Variants in FAM184A observed in about 807,000 individuals in gnomAD.
The protein encoded by FAM184A is family with sequence similarity 184 member A, also known as protein FAM184A.
A neutral mutation model predicts 143.8 loss-of-function variants in FAM184A; 99 were observed. That is an observed-to-expected ratio of 0.69 (90% CI 0.58 to 0.81). The LOEUF (loss-of-function observed/expected upper bound fraction) is 0.81. FAM184A is among the 40% of genes least tolerant of loss of function. The pLI is 0.00. For synonymous variants in FAM184A, 427 were observed against 446.4 expected (o/e 0.96, Z 0.55); for missense variants, 1,217 against 1,310.5 (o/e 0.93, Z 1.10).
intron 1 of FAM184A, among the ~76,000 whole-genome samples, chr6:119,112,121 T>C (rs1335917637): frequency 1.3e-5 from 2 of 152,018 alleles, no homozygotes; most frequent in Non-Finnish European, 2.9e-5. Flanking sequence ...ATATTTCTTT[T>C]TTCTTTTCTT....
At chr6:119,003,676 G>GCT in intron 7 of FAM184A, 54 bp from the exon 8 acceptor site, 3 of 1,511,324 alleles carry the variant, frequency 2.0e-6, no homozygotes, top group Middle Eastern at 1.8e-4. Flanking sequence ...AAACACTGCT[G>GCT]GTTATTTTAA....
Position 119,020,144 on chromosome 6 carries a change from A to C in FAM184A, c.1166T>G (p.Leu389Arg), listed in dbSNP as rs1490926523. The C allele has an allele frequency of 5.0e-6, 8 of 1,586,922 alleles. No individual in the cohort carries two copies. The highest frequency in any genetic ancestry group is 6.8e-6 in the Non-Finnish European group (8 of 1,171,028). The change falls in exon 4 of 18, where the codon CTT (leucine) becomes CGT (arginine). Residue 389 changes from leucine (L) to arginine (R), a missense_variant. Transcript: ENST00000338891. ...TTCCTGGGTCATTTGAGTTGCTTGAAGCATTCCAATATGACCTATCCCCCA... is the reference window on the plus strand; with the variant it reads ...TTCCTGGGTCATTTGAGTTGCTTGACGCATTCCAATATGACCTATCCCCCA... ...LVLKASHIGM[L>R]QATQMTQEVT...
At chr6:118,977,205 A>G (rs924958057) in intron 11 of FAM184A, among the ~76,000 whole-genome samples, 6 of 152,224 alleles carry the variant, frequency 3.9e-5, no homozygotes, top group Admixed American at 2.0e-4. Context: ...CTACTTGGCA[A>G]TAAAAAGAAA....
rs543702382 is a variant in FAM184A at position 119,023,506 on chromosome 6, T to A, written c.1015-426A>T. The stretch of plus-strand genomic sequence containing the variant: ...GGAAAAGAAAAAAATGTATTTAAAC[T>A]TTAAGCCCAATATTAAAATCCTTTT... On this transcript the variant is annotated intron_variant, in intron 2 of 17. Transcript: ENST00000338891. Among the ~76,000 whole-genome samples, 25 of 150,956 alleles carry A rather than the reference T, an allele frequency of 1.7e-4. No individual in the cohort carries two copies. In the South Asian group the frequency reaches 2.9e-3, roughly 18 times the overall value.
At chr6:119,148,091 C>T (rs953114142) in intron 1 of FAM184A, among the ~76,000 whole-genome samples, 9 of 152,182 alleles carry the variant, frequency 5.9e-5, no homozygotes, top group African/African-American at 2.2e-4. Context: ...ACCCACCCAC[C>T]CTAGTTCCCT....
chr6:119,074,862 A>G (rs192863114), intron 1 of FAM184A, among the ~76,000 whole-genome samples: 1 of 152,358 alleles, frequency 6.6e-6, no homozygotes. Flanking sequence ...CTTCCTTTAA[A>G]AGGCAGGGAC....
chr6:119,132,510 T>C (rs1239130749), intron 1 of FAM184A, among the ~76,000 whole-genome samples: 1 of 152,264 alleles, frequency 6.6e-6, no homozygotes, highest in African/African-American at 2.4e-5. Flanking sequence ...CTGTAATTCA[T>C]GCACTCAAAA....
chr6:119,118,063 T>C (rs1402655361), intron 1 of FAM184A, among the ~76,000 whole-genome samples: 1 of 152,212 alleles, frequency 6.6e-6, no homozygotes, highest in Non-Finnish European at 1.5e-5. Flanking sequence ...TCTGGATTGC[T>C]GTATATGGCC....
intron 1 of FAM184A, among the ~76,000 whole-genome samples, chr6:119,099,275 T>C (rs1396143033): frequency 6.6e-6 from 1 of 152,130 alleles, no homozygotes; most frequent in Non-Finnish European, 1.5e-5. Context: ...CCCTGAATCC[T>C]CATCTTTAGC....
intron 9 of FAM184A, among the ~76,000 whole-genome samples, chr6:118,999,201 G>C (rs1784670523): frequency 2.0e-5 from 3 of 152,230 alleles, no homozygotes; most frequent in Middle Eastern, 6.8e-3. Context: ...AGGTTGAGGG[G>C]AGCTGGCGGT....
intron 9 of FAM184A, among the ~76,000 whole-genome samples, chr6:118,998,045 C>T (rs1435461424): frequency 6.6e-6 from 1 of 152,000 alleles, no homozygotes; most frequent in Non-Finnish European, 1.5e-5. Context: ...TTCTAAAATA[C>T]TCTATGATTG....
rs1405648031 is a variant in FAM184A, at chr6:119,006,536, G to A, written c.1726C>T (p.Leu576Phe). The change falls in exon 7 of 18, where the codon CTT becomes TTT. Residue 576 changes from leucine to phenylalanine, a missense_variant. By Grantham distance (22) the Leu-to-Phe change is conservative. Coordinates refer to ENST00000338891, the MANE Select transcript of FAM184A (RefSeq NM_024581.6). ...LGSAEGLIAS[L>F]QDSQERLQNE... ...TGAAGCCTTTCCTGGGAGTCCTGAA[G>A]ACTAGCAATAAGTCCTTCTGCAGAG... 2 of 1,613,950 alleles carry A rather than the reference G, an allele frequency of 1.2e-6. No homozygotes were observed. The highest frequency in any genetic ancestry group is 4.5e-5 in the East Asian group (2 of 44,856).
At chr6:119,031,184 G>C (rs1166936034) in intron 1 of FAM184A, among the ~76,000 whole-genome samples, 1 of 152,084 alleles carries the variant, frequency 6.6e-6, no homozygotes, top group Non-Finnish European at 1.5e-5. Context: ...AAAATAAGAA[G>C]TTTCTGAAAT....
At chr6:119,127,133 T>C (rs1789389541) in intron 1 of FAM184A, among the ~76,000 whole-genome samples, 1 of 152,216 alleles carries the variant, frequency 6.6e-6, no homozygotes, top group South Asian at 2.1e-4. Flanking sequence ...GTTCTCACTT[T>C]GGGCTGTGGT....
intron 1 of FAM184A, among the ~76,000 whole-genome samples, chr6:119,137,318 G>A (rs1789698748): frequency 7.9e-6 from 1 of 126,046 alleles, no homozygotes; most frequent in South Asian, 2.6e-4. Flanking sequence ...GATAGAGAGA[G>A]ACAGAGAGAG....
chr6:119,097,485 G>T (rs1788536155), intron 1 of FAM184A, among the ~76,000 whole-genome samples: 1 of 152,128 alleles, frequency 6.6e-6, no homozygotes. Context: ...ACAAGGATTT[G>T]GGTACAAGCA....
rs1459814820 is a variant in FAM184A, at chr6:119,006,468, C to G, written c.1794G>C (p.Lys598Asn). Residue 598 changes from lysine (K) to asparagine (N), a missense_variant, in exon 7 of 18, where the codon AAG (lysine) becomes AAC (asparagine). Physicochemically the swap from Lys to Asn is moderately conservative, Grantham distance 94. Coordinates refer to ENST00000338891, the MANE Select transcript of FAM184A (RefSeq NM_024581.6). ...DLTKDSLKET[K>N]DALLNVEGEL... ...TTACCTCCACATTTAATAGAGCATC[C>G]TTGGTCTCCTTTAGGCTGTCTTTAG... 1 of 1,612,074 alleles carries G rather than the reference C, an allele frequency of 6.2e-7. No homozygotes were observed. The highest frequency in any genetic ancestry group is 8.5e-7 in the Non-Finnish European group (1 of 1,179,512).
At chr6:119,058,157 G>C (rs1224923245) in intron 1 of FAM184A, among the ~76,000 whole-genome samples, 5 of 144,006 alleles carry the variant, frequency 3.5e-5, no homozygotes, top group African/African-American at 1.3e-4. Flanking sequence ...AAGAAGTAGA[G>C]TCCAATTCTC....
At chr6:119,123,696 C>A (rs1439911677) in intron 1 of FAM184A, among the ~76,000 whole-genome samples, 2 of 152,064 alleles carry the variant, frequency 1.3e-5, no homozygotes, top group African/African-American at 4.8e-5. Context: ...CCATTCAGTC[C>A]GTTGGAGGCT....
Sources: gnomAD v4.1 joint callset for allele counts (sites outside exome capture counted in the v4.1 genomes callset) on GRCh38, gnomAD v4.1.1 for gene constraint, MANE v1.5 for transcripts, NCBI Gene and HGNC (gene_info 2026-07-23, HGNC 2026-07-21) for gene names.